Variants in WDR27 observed in about 807,000 individuals in gnomAD.
The protein encoded by WDR27 is WD repeat-containing protein 27.
In WDR27, 100 loss-of-function variants were observed where a neutral mutation model predicts 114.4. The observed-to-expected ratio is 0.87, with a 90% CI of 0.74 to 1.03. WDR27 has a LOEUF of 1.03. Ranked by LOEUF, WDR27 falls within the 50% of genes least tolerant of loss-of-function variation. WDR27 has a pLI of 0.00. For synonymous variants in WDR27, 449 were observed against 423.1 expected (o/e 1.06, Z -0.75); for missense variants, 1,129 against 1,092.9 (o/e 1.03, Z -0.47).
intron 25 of WDR27, among the ~76,000 whole-genome samples, chr6:169,484,985 C>T (rs555454256): frequency 1.1e-4 from 17 of 152,200 alleles, no homozygotes; most frequent in Middle Eastern, 3.4e-3. Flanking sequence ...AGATTGAAGC[C>T]GGACCCCTTC....
intron 25 of WDR27, among the ~76,000 whole-genome samples, chr6:169,521,784 G>A (rs1020005740): frequency 1.3e-5 from 2 of 151,604 alleles, no homozygotes; most frequent in African/African-American, 4.8e-5. Context: ...TAACCACAAT[G>A]CAAAAACCTA....
At chr6:169,458,915 C>G (rs75026030) in intron 25 of WDR27, among the ~76,000 whole-genome samples, 2,489 of 151,812 alleles carry the variant, frequency 0.016, 68 homozygotes, top group African/African-American at 0.057. Context: ...GGCACAGAGT[C>G]AAGCTACAAC....
intron 21 of WDR27, among the ~76,000 whole-genome samples, chr6:169,629,755 C>T (rs1815828939): frequency 6.6e-6 from 1 of 151,566 alleles, no homozygotes; most frequent in East Asian, 1.9e-4. Context: ...GGTGAAATCC[C>T]CTCTCTACTA....
At chr6:169,492,731 A>C (rs897480793) in intron 25 of WDR27, among the ~76,000 whole-genome samples, 24 of 152,224 alleles carry the variant, frequency 1.6e-4, no homozygotes, top group African/African-American at 5.8e-4. Context: ...ATGAGATACA[A>C]GAGAAAAACC....
chr6:169,535,041 C>T (rs1796054301), intron 25 of WDR27, among the ~76,000 whole-genome samples: 1 of 152,024 alleles, frequency 6.6e-6, no homozygotes, highest in East Asian at 1.9e-4. Context: ...TACTACAAGG[C>T]TACCATGGCA....
At chr6:169,486,795 G>A (rs1263579145) in intron 25 of WDR27, among the ~76,000 whole-genome samples, 1 of 152,200 alleles carries the variant, frequency 6.6e-6, no homozygotes, top group Non-Finnish European at 1.5e-5. Context: ...TGGCCAGAAG[G>A]CAAGTTTTTA....
intron 17 of WDR27, among the ~76,000 whole-genome samples, chr6:169,641,074 A>T (rs1819025568): frequency 6.6e-6 from 1 of 152,242 alleles, no homozygotes; most frequent in African/African-American, 2.4e-5. Context: ...CAAGGCCAGC[A>T]GAGGCACCGG....
intron 25 of WDR27, among the ~76,000 whole-genome samples, chr6:169,536,985 T>C (rs1199737872): frequency 6.6e-6 from 1 of 152,220 alleles, no homozygotes; most frequent in Non-Finnish European, 1.5e-5. Context: ...TTATTTACCA[T>C]GCAATCCTAA....
Position 169,472,998 on chromosome 6 carries a change from T to C in WDR27, c.2646-15364A>G, listed in dbSNP as rs372095629. Among the ~76,000 whole-genome samples, 20 of 152,346 alleles carry C rather than the reference T, an allele frequency of 1.3e-4. No homozygotes were observed. In the South Asian group the frequency reaches 2.5e-3, roughly 19 times the overall value. On this transcript the variant is annotated intron_variant, in intron 25 of 25. Transcript: ENST00000448612. ...TGCTACAAATTTTATACTAATGACA[T>C]ATTGGAACATTAATAACTTGCCTAG...
intron 25 of WDR27, among the ~76,000 whole-genome samples, chr6:169,570,069 T>C (rs1374533341): frequency 6.6e-6 from 1 of 152,162 alleles, no homozygotes; most frequent in Non-Finnish European, 1.5e-5. Context: ...CGGAATGCCA[T>C]TACCTCCTCA....
At chr6:169,481,571 C>T (rs1788097904) in intron 25 of WDR27, among the ~76,000 whole-genome samples, 1 of 152,232 alleles carries the variant, frequency 6.6e-6, no homozygotes, top group Non-Finnish European at 1.5e-5. Flanking sequence ...AAGTCTGCAG[C>T]TTCACTCCTG....
At chr6:169,639,176 G>C in intron 17 of WDR27, among the ~76,000 whole-genome samples, 1 of 143,778 alleles carries the variant, frequency 7.0e-6, no homozygotes, top group East Asian at 2.1e-4. Flanking sequence ...GTGGTGCTGG[G>C]TACTGTGTGG....
Position 169,701,826 on chromosome 6 carries a change from C to A in WDR27, c.-283G>T, listed in dbSNP as rs542801899. On this transcript the variant is annotated 5_prime_UTR_variant, in exon 1 of 26. Transcript: ENST00000448612. The stretch of plus-strand genomic sequence containing the variant: ...GAGCCGCGAGCAACCGCGCAGCCCC[C>A]GCGCTCCAGCCCTGCGCCCTAGGCA... The A allele has an allele frequency of 3.3e-4, 99 of 296,026 alleles. No individual in the cohort carries two copies. The highest frequency in any genetic ancestry group is 1.5e-3 in the African/African-American group (62 of 42,484). The allele number at this position is 296,026 out of a possible 1,614,324, so 18.3% of individuals were successfully genotyped here. A position where few individuals can be genotyped will look rare whatever the true frequency, so the allele number is the denominator to read the frequency against.
intron 25 of WDR27, among the ~76,000 whole-genome samples, chr6:169,493,302 T>C (rs1302457698): frequency 6.6e-6 from 1 of 151,990 alleles, no homozygotes; most frequent in Non-Finnish European, 1.5e-5. Flanking sequence ...TAATAAAAAT[T>C]AAAATCTCTG....
chr6:169,562,121 G>T (rs543273187), intron 25 of WDR27, among the ~76,000 whole-genome samples: 9 of 152,230 alleles, frequency 5.9e-5, no homozygotes, highest in African/African-American at 1.2e-4. Context: ...TTTCAGTGCC[G>T]CTGTCAATCC....
At chr6:169,660,119 G>A (rs1036081461) in intron 10 of WDR27, among the ~76,000 whole-genome samples, 6 of 148,678 alleles carry the variant, frequency 4.0e-5, no homozygotes, top group Non-Finnish European at 5.9e-5. Flanking sequence ...AGTCGCCTGG[G>A]CTCCTGGGCA....
At chr6:169,591,069 G>A (rs552266208) in intron 23 of WDR27, among the ~76,000 whole-genome samples, 15 of 152,232 alleles carry the variant, frequency 9.9e-5, no homozygotes, top group African/African-American at 2.6e-4. Context: ...CACATTTTCC[G>A]CAGTGGCTAC....
rs149106397 is a variant in WDR27 at position 169,525,340 on chromosome 6, T to C, written c.2645+47079A>G. 2.2e-3 allele frequency among the ~76,000 whole-genome samples: 332 copies of C among 151,934 alleles called. 4 individuals are homozygous for C. The highest frequency in any genetic ancestry group is 7.6e-3 in the African/African-American group (316 of 41,464). On this transcript the variant is annotated intron_variant, in intron 25 of 25. Transcript: ENST00000448612. ...TTGTGAGGTCAGGAGATCGAGACCATCCTGGCTAACACGGTGAAACCCCGT... is the reference window on the plus strand; with the variant it reads ...TTGTGAGGTCAGGAGATCGAGACCACCCTGGCTAACACGGTGAAACCCCGT...
intron 25 of WDR27, among the ~76,000 whole-genome samples, chr6:169,507,562 C>A (rs1414523227): frequency 6.6e-6 from 1 of 152,200 alleles, no homozygotes; most frequent in African/African-American, 2.4e-5. Context: ...TCACCCAGGA[C>A]AGAAATTCTA....
Sources: allele counts gnomAD v4.1 joint callset (sites outside exome capture counted in the v4.1 genomes callset), GRCh38; gene constraint gnomAD v4.1.1; transcripts MANE v1.5; gene names NCBI Gene and HGNC (gene_info 2026-07-23, HGNC 2026-07-21).